Variants in MAGI2 observed in about 807,000 individuals in gnomAD.
MAGI2 encodes membrane-associated guanylate kinase, WW and PDZ domain-containing protein 2.
Under a neutral mutation model 133.3 loss-of-function variants are expected in MAGI2, and 35 were observed. That is an observed-to-expected ratio of 0.26 (90% CI 0.20 to 0.35). The LOEUF (loss-of-function observed/expected upper bound fraction) is 0.35. Among genes scored for constraint, MAGI2 ranks in the 10% least tolerant of loss-of-function variants. The probability of loss-of-function intolerance (pLI) is 1.00; values close to 1 mark genes in which losing one functional copy is unlikely to be tolerated. For missense variants in MAGI2, 1,636 were observed against 1,863.4 expected, an observed-to-expected ratio of 0.88 and a Z score of 2.25; for synonymous variants, 729 against 710.6, an observed-to-expected ratio of 1.03 and a Z score of -0.41.
intron 2 of MAGI2, among the ~76,000 whole-genome samples, chr7:78,665,883 AG>A (rs1395872760): frequency 1.3e-5 from 2 of 152,190 alleles, no homozygotes; most frequent in Non-Finnish European, 2.9e-5. Flanking sequence ...TCAGAGATAT[AG>A]TCTGTATCTT....
chr7:79,396,433 G>A (rs1473523934), intron 1 of MAGI2, among the ~76,000 whole-genome samples: 1 of 152,110 alleles, frequency 6.6e-6, no homozygotes, highest in African/African-American at 2.4e-5. Context: ...ATGCACTTAA[G>A]GAATAAAATG....
At chr7:78,536,867 A>T (rs1295843250) in intron 3 of MAGI2, among the ~76,000 whole-genome samples, 1 of 150,404 alleles carries the variant, frequency 6.6e-6, no homozygotes, top group African/African-American at 2.4e-5. Context: ...TTACGTGGAT[A>T]AGATCTTTAG....
At chr7:78,065,617 T>G in intron 21 of MAGI2, 1 of 700,562 alleles carries the variant, frequency 1.4e-6, no homozygotes, top group Non-Finnish European at 2.6e-6. Context: ...TGGGGACCCA[T>G]GCTTGTCACT....
At chr7:78,612,301 G>C (rs17151148) in intron 3 of MAGI2, among the ~76,000 whole-genome samples, 6,994 of 152,054 alleles carry the variant, frequency 0.046, 227 homozygotes, top group East Asian at 0.08. Flanking sequence ...TTACCAAAAA[G>C]CAAGTGTGGT....
At chr7:78,349,965 A>T (rs1791328197) in intron 7 of MAGI2, among the ~76,000 whole-genome samples, 1 of 152,220 alleles carries the variant, frequency 6.6e-6, no homozygotes, top group Admixed American at 6.5e-5. Context: ...TAGCTTCCAT[A>T]CAGAACAAGA....
chr7:78,104,361 T>C (rs2151253377), intron 20 of MAGI2, among the ~76,000 whole-genome samples: 1 of 152,142 alleles, frequency 6.6e-6, no homozygotes, highest in African/African-American at 2.4e-5. Flanking sequence ...TAGCTGGGAC[T>C]ACAGGCGCCC....
chr7:78,716,259 C>CT (rs1819691052), intron 2 of MAGI2, among the ~76,000 whole-genome samples: 1 of 152,120 alleles, frequency 6.6e-6, no homozygotes. Context: ...TAATTTTACC[C>CT]TTTCTTCCAG....
chr7:78,616,774 G>A (rs971094824), intron 3 of MAGI2: 1 of 152,288 alleles, frequency 6.6e-6, no homozygotes, highest in East Asian at 1.9e-4. Flanking sequence ...AGAGTCTTGG[G>A]TCAGGCTAAA....
chr7:78,368,003 A>T (rs1000037022), intron 7 of MAGI2, among the ~76,000 whole-genome samples: 3 of 152,172 alleles, frequency 2.0e-5, no homozygotes, highest in Non-Finnish European at 4.4e-5. Flanking sequence ...CATACATTAG[A>T]TACTATGCTA....
chr7:78,070,670 C>A (rs1232167184), intron 21 of MAGI2, among the ~76,000 whole-genome samples: 1 of 143,524 alleles, frequency 7.0e-6, no homozygotes, highest in Non-Finnish European at 1.5e-5. Context: ...TAGACGGAGT[C>A]TCACTCTGTC....
At chr7:78,353,824 T>G (rs1031425732) in intron 7 of MAGI2, among the ~76,000 whole-genome samples, 3 of 152,098 alleles carry the variant, frequency 2.0e-5, no homozygotes, top group Non-Finnish European at 2.9e-5. Flanking sequence ...GGTGGCAATG[T>G]GGGAGCAAGA....
chr7:79,026,787 C>T (rs1262178062), intron 1 of MAGI2, among the ~76,000 whole-genome samples: 1 of 151,478 alleles, frequency 6.6e-6, no homozygotes, highest in African/African-American at 2.4e-5. Context: ...GCATGAAAAT[C>T]GCTTGAGCCC....
intron 1 of MAGI2, among the ~76,000 whole-genome samples, chr7:79,220,853 AG>A (rs1242043151): frequency 6.6e-6 from 1 of 152,134 alleles, no homozygotes; most frequent in South Asian, 2.1e-4. Context: ...ATTTCATTAT[AG>A]ACACTGCTTT....
At chr7:78,147,551 A>C (rs1056139867) in intron 16 of MAGI2, among the ~76,000 whole-genome samples, 1 of 152,206 alleles carries the variant, frequency 6.6e-6, no homozygotes, top group Non-Finnish European at 1.5e-5. Context: ...AACGTAAGAA[A>C]TGAATGGGAA....
At chr7:79,065,430 T>G (rs1372653939) in intron 1 of MAGI2, among the ~76,000 whole-genome samples, 1 of 152,112 alleles carries the variant, frequency 6.6e-6, no homozygotes, top group Admixed American at 6.6e-5. Flanking sequence ...ATTACACATA[T>G]TGAATGAATG....
chr7:79,161,329 G>A (rs1006588053), intron 1 of MAGI2, among the ~76,000 whole-genome samples: 3 of 151,950 alleles, frequency 2.0e-5, no homozygotes, highest in African/African-American at 7.2e-5. Flanking sequence ...AGTGCTAGTC[G>A]GGACAAATCC....
At chr7:78,782,103 T>A (rs974224925) in intron 2 of MAGI2, among the ~76,000 whole-genome samples, 8 of 152,204 alleles carry the variant, frequency 5.3e-5, no homozygotes, top group African/African-American at 1.9e-4. Flanking sequence ...TCATTTCTAA[T>A]GAGGTGAAAA....
In MAGI2 at chr7:78,369,330, T is replaced by C. The variant is rs577537978; in HGVS notation, c.1046-117A>G. The stretch of plus-strand genomic sequence containing the variant: ...GGTCTGCCAAAGTGGAACAAAGCAT[T>C]CAGAGTCAGCAGCAAATTTCAGAAC... On this transcript the variant is annotated intron_variant, in intron 6 of 21. Coordinates refer to ENST00000354212, the MANE Select transcript of MAGI2 (RefSeq NM_012301.4). 1.9e-4 allele frequency: 129 copies of C among 684,504 alleles called. No individual in the cohort carries two copies. The African/African-American group carries it at 2.2e-3, about 12-fold the overall frequency. The allele number at this position is 684,504 out of a possible 1,614,324, so 42.4% of individuals were successfully genotyped here.
In MAGI2 at chr7:78,162,908, G is replaced by A. The variant is rs76587437; in HGVS notation, c.2597-2635C>T. Among the ~76,000 whole-genome samples, 1,011 of 152,172 alleles carry A rather than the reference G, an allele frequency of 6.6e-3. 16 individuals carry two copies. Among genetic ancestry groups the A allele is most frequent in the African/African-American group, 0.023 (947 of 41,506 alleles). Reference sequence around the variant, plus strand: ...ATCTGGCTCTGGACCCAAGTGAGACGGTCTTCTTTCCAATGGTCTTTCCTA... The same window carrying A: ...ATCTGGCTCTGGACCCAAGTGAGACAGTCTTCTTTCCAATGGTCTTTCCTA... On this transcript the variant is annotated intron_variant, in intron 15 of 21. Coordinates refer to ENST00000354212, the MANE Select transcript of MAGI2 (RefSeq NM_012301.4).
Sources: gnomAD v4.1 joint callset for allele counts (sites outside exome capture counted in the v4.1 genomes callset) on GRCh38, gnomAD v4.1.1 for gene constraint, MANE v1.5 for transcripts, NCBI Gene and HGNC (gene_info 2026-07-23, HGNC 2026-07-21) for gene names.